Variants in CPA5 observed in about 807,000 individuals in gnomAD.
The protein encoded by CPA5 is carboxypeptidase A5, also known as testicular tissue protein Li 32.
In CPA5, 38 loss-of-function variants were observed where a neutral mutation model predicts 52.2. The observed-to-expected ratio is 0.73, with a 90% CI of 0.56 to 0.95. The LOEUF (loss-of-function observed/expected upper bound fraction) is 0.95. Among genes scored for constraint, CPA5 ranks in the 40% least tolerant of loss-of-function variants. The pLI is 0.00. For synonymous variants in CPA5, 198 were observed against 213.7 expected, an observed-to-expected ratio of 0.93 and a Z score of 0.64; for missense variants, 519 against 566.7, an observed-to-expected ratio of 0.92 and a Z score of 0.86.
At chr7:130,351,933 G>T (rs191856840) in intron 5 of CPA5, among the ~76,000 whole-genome samples, 1 of 152,028 alleles carries the variant, frequency 6.6e-6, no homozygotes, top group East Asian at 1.9e-4. Context: ...TCACATGTGG[G>T]TCTTTGTTCC....
In CPA5 at chr7:130,346,376, C is replaced by T. The variant is rs1794739222; in HGVS notation, c.-93-17C>T. 4 of 768,832 alleles carry T rather than the reference C, an allele frequency of 5.2e-6. No individual in the cohort carries two copies. The highest frequency in any genetic ancestry group is 8.4e-6 in the Non-Finnish European group (4 of 474,966). The allele number at this position is 768,832 out of a possible 1,614,324, so 47.6% of individuals were successfully genotyped here. On this transcript the variant is annotated splice_polypyrimidine_tract_variant and intron_variant, in intron 2 of 12. Coordinates refer to ENST00000474905, the MANE Select transcript of CPA5 (RefSeq NM_080385.5). ...CCACATGCTGGGTGCCCCAGACAGC[C>T]TAATGCTCTTTCTCAGGCTGGGCTT...
At chr7:130,363,112 G>A in intron 9 of CPA5, 118 bp downstream of exon 9, 1 of 654,354 alleles carries the variant, frequency 1.5e-6, no homozygotes, top group Non-Finnish European at 2.7e-6. Context: ...CTCACCAAGG[G>A]CAGGAGGGCT....
intron 4 of CPA5, among the ~76,000 whole-genome samples, chr7:130,348,936 G>A (rs576842948): frequency 3.3e-5 from 5 of 152,248 alleles, no homozygotes; most frequent in African/African-American, 9.6e-5. Flanking sequence ...GCACCTGCAC[G>A]CTGTCCACAC....
downstream of CPA5, among the ~76,000 whole-genome samples, chr7:130,373,511 G>A (rs1324398285): frequency 1.3e-5 from 2 of 152,236 alleles, no homozygotes; most frequent in African/African-American, 4.8e-5. Context: ...TTTGGAATGT[G>A]AGGGGCCTGT....
chr7:130,350,775 G>A (rs1795087976), intron 5 of CPA5, among the ~76,000 whole-genome samples: 2 of 152,178 alleles, frequency 1.3e-5, no homozygotes, highest in South Asian at 4.1e-4. Flanking sequence ...TTTTCTGAAC[G>A]TCATGAAATT....
rs782094041 is a variant in CPA5 at position 130,368,518 on chromosome 7, C to T, written c.1232C>T (p.Thr411Ile). ...TGQYGFLLPA[T>I]QIIPTAQETW... ...CAGTATGGCTTCCTGCTGCCGGCCA[C>T]ACAGATCATCCCCACGGCCCAGGAG... is the stretch of plus-strand genomic sequence containing the variant. Residue 411 changes from threonine to isoleucine, a missense_variant, in exon 13 of 13, where the codon ACA becomes ATA. By Grantham distance (89) the Thr-to-Ile change is moderately conservative. Coordinates refer to ENST00000474905, the MANE Select transcript of CPA5 (RefSeq NM_080385.5). The T allele has an allele frequency of 1.7e-5, 28 of 1,614,012 alleles. No homozygotes were observed. The highest frequency in any genetic ancestry group is 3.4e-6 in the Non-Finnish European group (4 of 1,180,030).
intron 4 of CPA5, 56 bp downstream of exon 4, chr7:130,347,903 T>C: frequency 7.2e-7 from 1 of 1,391,380 alleles, no homozygotes; most frequent in Non-Finnish European, 1.0e-6. Flanking sequence ...GGCTCACACA[T>C]TTAGCTCCTT....
In CPA5 at chr7:130,347,825, T is replaced by A. The variant is rs782392436; in HGVS notation, c.176T>A (p.Leu59Gln). ...DEKQLSLLGD[L>Q]EGLKPQKVDF... ...AAGCAGCTTTCACTTCTCGGGGATCTGGAGGGCCTGAAACCCCAGAAGGTG... is the reference window on the plus strand; with the variant it reads ...AAGCAGCTTTCACTTCTCGGGGATCAGGAGGGCCTGAAACCCCAGAAGGTG... The change falls in exon 4 of 13, where the codon CTG becomes CAG. Residue 59 changes from leucine (L) to glutamine (Q), a missense_variant. Transcript: ENST00000474905. 9.9e-6 allele frequency: 16 copies of A among 1,613,976 alleles called. No individual in the cohort carries two copies. Among genetic ancestry groups the A allele is most frequent in the Non-Finnish European group, 1.3e-5 (15 of 1,180,002 alleles).
At chr7:130,358,024 C>G (rs1554405663) in intron 5 of CPA5, among the ~76,000 whole-genome samples, 1 of 148,494 alleles carries the variant, frequency 6.7e-6, no homozygotes, top group Non-Finnish European at 1.5e-5. Context: ...TGTTGCCCAG[C>G]CTGGAGTACA....
chr7:130,368,281 C>G, intron 12 of CPA5, 129 bp from the exon 13 acceptor site: 3 of 845,824 alleles, frequency 3.5e-6, no homozygotes, highest in South Asian at 1.7e-5. Flanking sequence ...GGGCAGGAAG[C>G]CTGGTGTGGC....
intron 10 of CPA5, 150 bp from the exon 11 acceptor site, chr7:130,367,222 T>C: frequency 1.5e-6 from 1 of 655,318 alleles, no homozygotes; most frequent in Non-Finnish European, 2.7e-6. Context: ...TCATTTCTGC[T>C]CACCTTTCCA....
chr7:130,367,289 G>A (rs1318232078), intron 10 of CPA5, 83 bp from the exon 11 acceptor site: 2 of 1,221,636 alleles, frequency 1.6e-6, no homozygotes, highest in East Asian at 2.4e-5. Flanking sequence ...GGGAAATGTA[G>A]GGGAACACAC....
Position 130,359,648 on chromosome 7 carries a change from C to T in CPA5, c.393C>T (p.Thr131=). 1.3e-6 allele frequency: 2 copies of T among 1,585,944 alleles called. No homozygotes were observed. Among genetic ancestry groups the T allele is most frequent in the South Asian group, 2.3e-5 (2 of 86,378 alleles). ...AATCCCGCCGGCTGGAGCGCAGCAC[C>T]AACAGCTTCAGTTACTCATCATACC... ...MAKSRRLERS[T]NSFSYSSYHT... is the part of the protein sequence containing the mutation. The change falls in exon 6 of 13, where the codon ACC becomes ACT. Residue 131 remains threonine (T), a synonymous_variant. Transcript: ENST00000474905.
intron 10 of CPA5, 50 bp downstream of exon 10, chr7:130,363,559 C>T: frequency 1.4e-6 from 2 of 1,448,262 alleles, no homozygotes; most frequent in Non-Finnish European, 1.9e-6. Flanking sequence ...GGTGTTGGCC[C>T]ATGGCAGGTT....
intron 3 of CPA5, 87 bp downstream of exon 3, chr7:130,346,688 C>T: frequency 9.6e-7 from 1 of 1,041,860 alleles, no homozygotes; most frequent in South Asian, 1.4e-5. Flanking sequence ...CCTGCTGGTG[C>T]CTGATCAAGG....
chr7:130,354,014 C>A (rs1481939684), intron 5 of CPA5, among the ~76,000 whole-genome samples: 2 of 152,140 alleles, frequency 1.3e-5, no homozygotes, highest in African/African-American at 4.8e-5. Context: ...CCTCGAACTC[C>A]CAGGCTCACT....
chr7:130,364,959 C>T (rs566426503), intron 10 of CPA5, among the ~76,000 whole-genome samples: 1 of 152,344 alleles, frequency 6.6e-6, no homozygotes, highest in Admixed American at 6.5e-5. Flanking sequence ...GGCCCCCAGA[C>T]ATGGCATCTG....
Position 130,367,546 on chromosome 7 carries a change from A to G in CPA5, c.1013A>G (p.Glu338Gly). 6.2e-7 allele frequency: 1 copy of G among 1,614,036 alleles called. No individual in the cohort carries two copies. Among genetic ancestry groups the G allele is most frequent in the Non-Finnish European group, 8.5e-7 (1 of 1,179,978 alleles). Residue 338 changes from glutamate to glycine, a missense_variant, in exon 11 of 13, where the codon GAG (glutamate) becomes GGG (glycine). By Grantham distance (98) the Glu-to-Gly change is moderately conservative. Transcript: ENST00000474905. ...ATGTACCCTTACGGCCGATTGCTGG[A>G]GCCCGTTTCAAATCAGAGGGAGTTG... Reference protein sequence around the residue: ...MLMYPYGRLLEPVSNQRELYD... With the variant: ...MLMYPYGRLLGPVSNQRELYD...
intron 5 of CPA5, among the ~76,000 whole-genome samples, chr7:130,350,834 C>T (rs1447070345): frequency 5.3e-5 from 8 of 152,376 alleles, no homozygotes; most frequent in Non-Finnish European, 1.2e-4. Flanking sequence ...GCCCCTGAAA[C>T]GTGCTGGTAG....
Sources: gnomAD v4.1 joint callset for allele counts (sites outside exome capture counted in the v4.1 genomes callset) on GRCh38, gnomAD v4.1.1 for gene constraint, MANE v1.5 for transcripts, NCBI Gene and HGNC (gene_info 2026-07-23, HGNC 2026-07-21) for gene names.